The following DNAH14 variants were observed in gnomAD, a reference collection of about 807,000 sequenced individuals.
DNAH14 encodes dynein axonemal heavy chain 14.
A neutral mutation model predicts 520.9 loss-of-function variants in DNAH14; 478 were observed. The ratio of observed to expected loss-of-function variants is 0.92; its 90% CI spans 0.85 to 0.99. The LOEUF is 0.99. DNAH14 is among the 50% of genes least tolerant of loss of function. The pLI, the probability that DNAH14 is intolerant of heterozygous loss-of-function variation, is 0.00. For missense variants in DNAH14, 4,831 were observed against 5,234.5 expected (o/e 0.92, Z 2.38); for synonymous variants, 1,581 against 1,757.2 (o/e 0.90, Z 2.51).
chr1:225,016,120 A>G (rs545758350), intron 10 of DNAH14, among the ~76,000 whole-genome samples: 1 of 152,338 alleles, frequency 6.6e-6, no homozygotes, highest in Admixed American at 6.5e-5. Context: ...AGGCTCTGAA[A>G]CAGTGCTGGA....
Position 225,363,053 on chromosome 1 carries a change from T to C in DNAH14, c.11988-1739T>C, listed in dbSNP as rs527812381. On this transcript the variant is annotated intron_variant, in intron 75 of 85. Transcript: ENST00000682510. ...GTAATGATTTGGTTTGTTTTGCAAA[T>C]TTTTTAAAAATAATTTCACACTTGC... is the stretch of plus-strand genomic sequence containing the variant. Among the ~76,000 whole-genome samples the C allele has an allele frequency of 2.6e-5, 4 of 152,226 alleles. No individual in the cohort carries two copies. The South Asian group carries it at 8.3e-4, about 32-fold the overall frequency.
chr1:225,154,579 A>C (rs7536245), intron 34 of DNAH14, among the ~76,000 whole-genome samples: 23,411 of 152,018 alleles, frequency 0.15, 2,112 homozygotes, highest in East Asian at 0.36. Context: ...TATTATATCA[A>C]AAATCCATGG....
At position 225,024,089 on chromosome 1, in the gene DNAH14, G is replaced by A. The variant is rs773073771; in HGVS notation, c.1358+224G>A. The A allele has an allele frequency of 1.5e-3, 1,745 of 1,143,026 alleles. 4 individuals are homozygous for A. The highest frequency in any genetic ancestry group is 1.8e-3 in the Non-Finnish European group (1,647 of 924,722). 70.8% of individuals were successfully genotyped at this position (1,143,026 alleles called of 1,614,324 possible). On this transcript the variant is annotated intron_variant, in intron 11 of 85. Transcript: ENST00000682510. ...GTAAAATTTGAATTTCACATAAATG[G>A]TAAATAATTTTAGTATACTTCAAGT...
Position 225,290,028 on chromosome 1 carries a change from A to C in DNAH14, c.8415A>C (p.Ala2805=). The change falls in exon 55 of 86, where the codon GCA becomes GCC. Residue 2805 remains alanine (A), a synonymous_variant. Coordinates refer to ENST00000682510, the MANE Select transcript of DNAH14 (RefSeq NM_001367479.1). ...TCTTTAAAAAGGTGTTTATTCACGC[A>C]GGATTAAAAGGGAAACCCACTGTTC... ...KEVFKKVFIH[A]GLKGKPTVLM... is the part of the protein sequence containing the mutation. 1 of 1,529,122 alleles carries C rather than the reference A, an allele frequency of 6.5e-7. No individual in the cohort carries two copies. The highest frequency in any genetic ancestry group is 1.2e-5 in the South Asian group (1 of 80,196). 94.7% of individuals were successfully genotyped at this position (1,529,122 alleles called of 1,614,324 possible).
chr1:225,140,885 G>C lies in DNAH14; in HGVS notation c.4372G>C (p.Val1458Leu), dbSNP rs1419280475. The change falls in exon 28 of 86, where the codon GTA becomes CTA. Residue 1458 changes from valine (V) to leucine (L), a missense_variant. Val to Leu is a conservative substitution (Grantham distance 32). Coordinates refer to ENST00000682510, the MANE Select transcript of DNAH14 (RefSeq NM_001367479.1). ...TCATCTAGAAGAGGTTGCAGACCTG[G>C]TAGTGCTGGATACTAGTAACTCTCG... ...MCHLEEVADL[V>L]VLDTSNSRTK... The C allele has an allele frequency of 6.4e-7, 1 of 1,551,352 alleles. No individual in the cohort carries two copies. Among genetic ancestry groups the C allele is most frequent in the Non-Finnish European group, 8.7e-7 (1 of 1,146,928 alleles).
At chr1:224,977,932 A>G (rs556657949) in intron 8 of DNAH14, among the ~76,000 whole-genome samples, 7 of 112,688 alleles carry the variant, frequency 6.2e-5, no homozygotes, top group African/African-American at 2.9e-4. Context: ...AACATCCCCA[A>G]TCAGGGCAAT....
intron 72 of DNAH14, 100 bp downstream of exon 72, chr1:225,351,983 A>T (rs1574972248): frequency 1.1e-6 from 1 of 943,048 alleles, no homozygotes; most frequent in East Asian, 2.7e-5. Flanking sequence ...TTATGAAAAA[A>T]TTGAAGGGAG....
intron 41 of DNAH14, among the ~76,000 whole-genome samples, chr1:225,216,952 T>G (rs115031402): frequency 0.026 from 4,029 of 152,338 alleles, 163 homozygotes; most frequent in African/African-American, 0.08. Flanking sequence ...GTAGAGGAGC[T>G]TCATTCCTTT....
intron 42 of DNAH14, among the ~76,000 whole-genome samples, chr1:225,238,209 T>G (rs1455068882): frequency 2.6e-5 from 4 of 152,238 alleles, no homozygotes; most frequent in Non-Finnish European, 5.9e-5. Flanking sequence ...TTTTGAGTTT[T>G]CAGCATTTTT....
Position 225,144,403 on chromosome 1 carries a change from G to C in DNAH14, c.4515G>C (p.Leu1505Phe), listed in dbSNP as rs1023072363. 10 of 1,547,436 alleles carry C rather than the reference G, an allele frequency of 6.5e-6. No homozygotes were observed. In the Admixed American group the frequency reaches 1.8e-4, roughly 27 times the overall value. Residue 1505 changes from leucine to phenylalanine, a missense_variant, in exon 29 of 86, where the codon TTG becomes TTC. Physicochemically the swap from Leu to Phe is conservative, Grantham distance 22. Transcript: ENST00000682510. Reference protein sequence around the residue: ...NAEDFEWTRHLQYKWNEKQKL... With the variant: ...NAEDFEWTRHFQYKWNEKQKL... ...TTTAAAATTTGGCTTTCAGACATTT[G>C]CAATATAAATGGAATGAAAAACAAA...
intron 23 of DNAH14, among the ~76,000 whole-genome samples, chr1:225,109,242 T>G (rs548516827): frequency 1.1e-4 from 16 of 152,264 alleles, no homozygotes; most frequent in African/African-American, 3.6e-4. Context: ...TTTTTCTATT[T>G]CTGTGAAGAA....
chr1:225,262,681 C>T (rs1482063500), intron 46 of DNAH14, among the ~76,000 whole-genome samples: 1 of 151,958 alleles, frequency 6.6e-6, no homozygotes, highest in Non-Finnish European at 1.5e-5. Context: ...TCTGGGTTCT[C>T]TGTTTTGTTC....
chr1:225,045,961 T>C (rs1419940995), intron 15 of DNAH14, among the ~76,000 whole-genome samples: 1 of 152,106 alleles, frequency 6.6e-6, no homozygotes, highest in East Asian at 1.9e-4. Flanking sequence ...GTGTTCTTAA[T>C]GGTGATTTTC....
chr1:225,279,195 C>T (rs376714535), intron 54 of DNAH14, among the ~76,000 whole-genome samples: 10 of 152,146 alleles, frequency 6.6e-5, no homozygotes, highest in East Asian at 1.9e-4. Context: ...TTAGTAGAGA[C>T]GGGGTTTCAC....
Position 225,075,735 on chromosome 1 carries a change from T to C in DNAH14, c.2425-3472T>C, listed in dbSNP as rs182861806. ...TTCTCAGTCAGTTCATACAACTCTA[T>C]TTCTTTAGGGTCAGGGATGGGTGCT... On this transcript the variant is annotated intron_variant, in intron 17 of 85. Transcript: ENST00000682510. 1.5e-3 allele frequency among the ~76,000 whole-genome samples: 235 copies of C among 152,298 alleles called. 2 individuals carry two copies. Among genetic ancestry groups the C allele is most frequent in the African/African-American group, 5.3e-3 (220 of 41,560 alleles).
chr1:225,013,720 C>T (rs1206347640), intron 10 of DNAH14, among the ~76,000 whole-genome samples: 1 of 152,146 alleles, frequency 6.6e-6, no homozygotes, highest in East Asian at 1.9e-4. Context: ...AGGGTCTGCC[C>T]AGTCCAAACT....
chr1:225,160,266 C>T (rs2149143923), intron 35 of DNAH14, among the ~76,000 whole-genome samples: 1 of 152,210 alleles, frequency 6.6e-6, no homozygotes, highest in African/African-American at 2.4e-5. Context: ...GGTGTCAGGC[C>T]ATTAAACATG....
At chr1:224,967,786 T>G (rs2061277884) in intron 6 of DNAH14, 1 of 1,438,628 alleles carries the variant, frequency 7.0e-7, no homozygotes, top group African/African-American at 1.5e-5. Flanking sequence ...GTTTGAAGAT[T>G]CAACTTTAAT....
chr1:225,237,857 G>A (rs1205722370), intron 42 of DNAH14, among the ~76,000 whole-genome samples: 1 of 152,050 alleles, frequency 6.6e-6, no homozygotes, highest in Non-Finnish European at 1.5e-5. Context: ...TCTTATTTCA[G>A]AAAGATAGTC....
Sources: gnomAD v4.1 joint callset for allele counts (sites outside exome capture counted in the v4.1 genomes callset) on GRCh38, gnomAD v4.1.1 for gene constraint, MANE v1.5 for transcripts, NCBI Gene and HGNC (gene_info 2026-07-23, HGNC 2026-07-21) for gene names.